The following DGKZ variants were observed in gnomAD, a reference collection of about 807,000 sequenced individuals.
The protein encoded by DGKZ is diacylglycerol kinase zeta.
A neutral mutation model predicts 142.5 loss-of-function variants in DGKZ; 45 were observed. The ratio of observed to expected loss-of-function variants is 0.32; its 90% CI spans 0.25 to 0.40. DGKZ has a LOEUF of 0.40. DGKZ is among the 10% of genes least tolerant of loss of function. DGKZ has a pLI of 1.00. For missense variants in DGKZ, 755 were observed against 1,306.5 expected (o/e 0.58, Z 6.51); for synonymous variants, 442 against 527.0 (o/e 0.84, Z 2.21).
intron 1 of DGKZ, among the ~76,000 whole-genome samples, chr11:46,363,254 G>C (rs1590513618): frequency 6.6e-6 from 1 of 152,190 alleles, no homozygotes; most frequent in African/African-American, 2.4e-5. Flanking sequence ...GGTTTCTATG[G>C]AGACCAGAGG....
At chr11:46,344,787 C>A (rs1940468082), upstream of DGKZ, among the ~76,000 whole-genome samples, 2 of 152,140 alleles carry the variant, frequency 1.3e-5, no homozygotes, top group Admixed American at 1.3e-4. Context: ...AAAACTGAGG[C>A]TCAGAAAATC....
chr11:46,375,977 G>A (rs780310044), intron 21 of DGKZ, 26 bp downstream of exon 21: 15 of 1,611,584 alleles, frequency 9.3e-6, no homozygotes, highest in Non-Finnish European at 1.3e-5. Flanking sequence ...CGGCCTGGCA[G>A]GGTGGCCAGG....
At position 46,366,927 on chromosome 11, in the gene DGKZ, G is replaced by A. The variant is rs747735157; in HGVS notation, c.162-364G>A. On this transcript the variant is annotated intron_variant, in intron 1 of 30. Transcript: ENST00000527911. ...CGTGTGCGCCCACTGTCCCGCAGGC[G>A]CCAGGTAGCCCTACGGCGCAAGGCG... 33 of 1,542,868 alleles carry A rather than the reference G, an allele frequency of 2.1e-5. No individual in the cohort carries two copies. Among genetic ancestry groups the A allele is most frequent in the Middle Eastern group, 2.0e-4 (1 of 5,030 alleles).
chr11:46,378,691 C>T (rs746973931), intron 27 of DGKZ, 191 bp downstream of exon 27: 1 of 893,432 alleles, frequency 1.1e-6, no homozygotes, highest in South Asian at 1.4e-5. Context: ...ATAGATGGCT[C>T]CTAGTAGGGG....
intron 1 of DGKZ, among the ~76,000 whole-genome samples, chr11:46,359,118 C>T (rs1012893650): frequency 6.7e-6 from 1 of 149,916 alleles, no homozygotes; most frequent in Non-Finnish European, 1.5e-5. Context: ...CCAGCCTGGG[C>T]GACAGAGCAA....
rs949490556 is a variant in DGKZ at position 46,337,441 on chromosome 11, G to A, written c.212+3954G>A. ...CTGCCAAGTAGCTGGGACTACAGGCGCCCACCACCACGCCGGGCTAATTTT... is the reference window on the plus strand; with the variant it reads ...CTGCCAAGTAGCTGGGACTACAGGCACCCACCACCACGCCGGGCTAATTTT... On this transcript the variant is annotated intron_variant, in intron 1 of 30. Transcript: ENST00000343674. Among the ~76,000 whole-genome samples the A allele has an allele frequency of 7.2e-5, 11 of 151,812 alleles. No individual in the cohort carries two copies. In the South Asian group the frequency reaches 8.3e-4, roughly 11 times the overall value.
At chr11:46,337,485 G>A (rs1009859232) in intron 1 of DGKZ, among the ~76,000 whole-genome samples, 1 of 151,642 alleles carries the variant, frequency 6.6e-6, no homozygotes, top group East Asian at 1.9e-4. Context: ...TAGTAGAGAC[G>A]GGGTTTCGCC....
At chr11:46,334,832 G>A (rs1277248405) in intron 1 of DGKZ, among the ~76,000 whole-genome samples, 1 of 152,200 alleles carries the variant, frequency 6.6e-6, no homozygotes, top group Non-Finnish European at 1.5e-5. Context: ...CACAGGGGAT[G>A]CAGCAAAGAA....
chr11:46,355,981 G>A (rs1366093444), intron 1 of DGKZ, among the ~76,000 whole-genome samples: 1 of 151,866 alleles, frequency 6.6e-6, no homozygotes, highest in African/African-American at 2.4e-5. Flanking sequence ...CCTGACCTCA[G>A]GTGATCTGCC....
Position 46,367,093 on chromosome 11 carries a change from T to A in DGKZ, c.162-198T>A, listed in dbSNP as rs1943397909. 1 of 1,384,956 alleles carries A rather than the reference T, an allele frequency of 7.2e-7. No individual in the cohort carries two copies. The highest frequency in any genetic ancestry group is 2.2e-5 in the Admixed American group (1 of 44,822). 85.8% of individuals were successfully genotyped at this position (1,384,956 alleles called of 1,614,324 possible). A position where few individuals can be genotyped will look rare whatever the true frequency, so the allele number is the denominator to read the frequency against. On this transcript the variant is annotated intron_variant, in intron 1 of 30. Transcript: ENST00000527911. The surrounding 1 kb of genome is among the most constrained non-coding windows in gnomAD (Gnocchi z 4.1). ...CTGAGGGTTCCCCACTTGGGAACAC[T>A]CTGGGCAGTACCCTGAAGCCAGCGT...
chr11:46,378,540 C>T (rs926690836), intron 27 of DGKZ, 40 bp downstream of exon 27: 2 of 1,612,736 alleles, frequency 1.2e-6, no homozygotes, highest in African/African-American at 2.7e-5. Context: ...CCAGCAGCTC[C>T]CTCGGGCCCT....
rs767577147 is a variant in DGKZ, at chr11:46,374,672, C to T, written c.1524+6C>T. On this transcript the variant is annotated splice_donor_region_variant and intron_variant, in intron 17 of 30. Transcript: ENST00000527911. The stretch of plus-strand genomic sequence containing the variant: ...CCAAGCACATCCGAGTGGTGGTGAG[C>T]GGGGCCAGGCTGCCGTGGGTGGGTG... The T allele has an allele frequency of 5.9e-6, 8 of 1,347,488 alleles. No individual in the cohort carries two copies. The highest frequency in any genetic ancestry group is 1.9e-5 in the Admixed American group (1 of 53,960). 83.5% of individuals were successfully genotyped at this position (1,347,488 alleles called of 1,614,324 possible).
At position 46,367,904 on chromosome 11, in the gene DGKZ, G is replaced by T. The variant is rs1943504019; in HGVS notation, c.367-98G>T. 5.2e-6 allele frequency: 8 copies of T among 1,533,840 alleles called. No homozygotes were observed. The highest frequency in any genetic ancestry group is 7.2e-6 in the Non-Finnish European group (8 of 1,108,616). On this transcript the variant is annotated intron_variant, in intron 3 of 30. Coordinates refer to ENST00000527911, the Ensembl canonical transcript of DGKZ. This position sits in a 1 kb window ranked among gnomAD's most constrained non-coding sequence, Gnocchi z 4.1. ...GGCTTTGTCCGGATGCCAGGACTGG[G>T]GCTTCCCAGTGCACACAAAGGGCAG...
rs140532152 is a variant in DGKZ, at chr11:46,359,213, C to T, written c.162-8078C>T. ...ATCCCAGCACTTTGGGAGGCCAAGG[C>T]GGGCGGATCACGAGGTCAGGAGTTC... On this transcript the variant is annotated intron_variant, in intron 1 of 30. Transcript: ENST00000527911. Among the ~76,000 whole-genome samples, 811 of 151,214 alleles carry T rather than the reference C, an allele frequency of 5.4e-3. 7 individuals are homozygous for T. The highest frequency in any genetic ancestry group is 0.019 in the African/African-American group (784 of 41,106).
At chr11:46,341,347 G>A (rs961527562) in intron 1 of DGKZ, among the ~76,000 whole-genome samples, 6 of 152,198 alleles carry the variant, frequency 3.9e-5, no homozygotes, top group African/African-American at 1.2e-4. Flanking sequence ...AAGACTAAGT[G>A]CACAAAAAGT....
At chr11:46,369,711 C>T in intron 5 of DGKZ, 161 bp downstream of exon 5, 1 of 1,024,370 alleles carries the variant, frequency 9.8e-7, no homozygotes, top group East Asian at 2.5e-5. Context: ...CTAGCGCTGC[C>T]TGCGGAGTGG....
intron 1 of DGKZ, among the ~76,000 whole-genome samples, chr11:46,359,360 A>G (rs566649782): frequency 6.6e-6 from 1 of 151,862 alleles, no homozygotes; most frequent in African/African-American, 2.4e-5. Context: ...CAGGAGAGTC[A>G]CTTGAGCCTG....
chr11:46,334,536 A>G (rs1027290802), intron 1 of DGKZ, among the ~76,000 whole-genome samples: 1 of 152,164 alleles, frequency 6.6e-6, no homozygotes, highest in Non-Finnish European at 1.5e-5. Flanking sequence ...AGGCCTCAGT[A>G]TTCTTAATGG....
Position 46,372,272 on chromosome 11 carries a change from A to G in DGKZ, c.927+102A>G. ...AGAGCCCGTTTCTGGCTTCTACCCC[A>G]ATCCCTCTTTCCCAGGGATCCTGAG... On this transcript the variant is annotated intron_variant, in intron 10 of 30. Coordinates refer to ENST00000527911, the Ensembl canonical transcript of DGKZ. The surrounding 1 kb of genome is among the most constrained non-coding windows in gnomAD (Gnocchi z 5.9). The G allele has an allele frequency of 7.4e-7, 1 of 1,352,804 alleles. No homozygotes were observed. Among genetic ancestry groups the G allele is most frequent in the Middle Eastern group, 1.8e-4 (1 of 5,462 alleles). The allele number at this position is 1,352,804 out of a possible 1,614,324, so 83.8% of individuals were successfully genotyped here.
Sources: gnomAD v4.1 joint callset for allele counts (sites outside exome capture counted in the v4.1 genomes callset) on GRCh38, gnomAD v4.1.1 for gene constraint, Gnocchi (gnomAD v3.1) non-coding constraint, MANE v1.5 for transcripts, NCBI Gene and HGNC (gene_info 2026-07-23, HGNC 2026-07-21) for gene names.